Variants in ADARB2 observed in about 807,000 individuals in gnomAD.
The protein encoded by ADARB2 is inactive double-stranded RNA-specific editase B2.
Under a neutral mutation model 62.2 loss-of-function variants are expected in ADARB2, and 25 were observed. That is an observed-to-expected ratio of 0.40 (90% CI 0.29 to 0.56). The LOEUF (loss-of-function observed/expected upper bound fraction) is 0.56. Among genes scored for constraint, ADARB2 ranks in the 20% least tolerant of loss-of-function variants. The pLI, the probability that ADARB2 is intolerant of heterozygous loss-of-function variation, is 0.43. For synonymous variants in ADARB2, 572 were observed against 500.8 expected (o/e 1.14, Z -1.90); for missense variants, 1,071 against 1,077.4 (o/e 0.99, Z 0.08).
In ADARB2 at chr10:1,656,431, A is replaced by C. The variant is rs191171004; in HGVS notation, c.100+80620T>G. Among the ~76,000 whole-genome samples, 13 of 152,242 alleles carry C rather than the reference A, an allele frequency of 8.5e-5. No homozygotes were observed. The East Asian group carries it at 2.5e-3, about 29-fold the overall frequency. The stretch of plus-strand genomic sequence containing the variant: ...TTCTTTGCAATCTCATATTGTGCTA[A>C]TTTTACAACATCTGATATTTTTGGG... On this transcript the variant is annotated intron_variant, in intron 1 of 9. Transcript: ENST00000381312.
chr10:1,387,401 C>G (rs941727657), intron 1 of ADARB2, among the ~76,000 whole-genome samples: 3 of 151,802 alleles, frequency 2.0e-5, no homozygotes, highest in African/African-American at 7.2e-5. Flanking sequence ...TCCATGTTTT[C>G]TAATTAGAAA....
intron 1 of ADARB2, among the ~76,000 whole-genome samples, chr10:1,578,532 G>A (rs533837032): frequency 7.9e-5 from 12 of 152,264 alleles, no homozygotes; most frequent in Admixed American, 3.3e-4. Flanking sequence ...GTGAGTGCTC[G>A]GCTTCCTGGG....
chr10:1,345,301 G>C (rs1229661762), intron 3 of ADARB2, among the ~76,000 whole-genome samples: 2 of 152,188 alleles, frequency 1.3e-5, no homozygotes, highest in Non-Finnish European at 2.9e-5. Flanking sequence ...GCTCAGAGAA[G>C]CTCCCTCCTT....
rs192831634 is a variant in ADARB2, at chr10:1,342,334, C to A, written c.1077+20694G>T. ...CACACATGGCCCCACAGAACCAGGACTGACACCAACAGGGCCTTGACTCTG... is the reference window on the plus strand; with the variant it reads ...CACACATGGCCCCACAGAACCAGGAATGACACCAACAGGGCCTTGACTCTG... On this transcript the variant is annotated intron_variant, in intron 3 of 9. Transcript: ENST00000381312. Among the ~76,000 whole-genome samples the A allele has an allele frequency of 3.9e-5, 6 of 152,342 alleles. No individual in the cohort carries two copies. In the East Asian group the frequency reaches 9.6e-4, roughly 24 times the overall value.
At chr10:1,601,092 A>G (rs1833406510) in intron 1 of ADARB2, among the ~76,000 whole-genome samples, 1 of 152,204 alleles carries the variant, frequency 6.6e-6, no homozygotes, top group Admixed American at 6.5e-5. Context: ...AAGTTCAGAC[A>G]GGTTTGCATT....
At chr10:1,331,835 CT>C (rs1443516390) in intron 3 of ADARB2, among the ~76,000 whole-genome samples, 2 of 152,146 alleles carry the variant, frequency 1.3e-5, no homozygotes, top group Non-Finnish European at 2.9e-5. Context: ...ATATCGCACA[CT>C]TTGAAGACTT....
In ADARB2 at chr10:1,521,486, G is replaced by A. The variant is rs533198506; in HGVS notation, c.101-142326C>T. 6.0e-4 allele frequency among the ~76,000 whole-genome samples: 92 copies of A among 152,330 alleles called. 1 individual carries two copies. In the South Asian group the frequency reaches 0.017, roughly 28 times the overall value. Reference sequence around the variant, plus strand: ...AGGGCTCTTTTAAAATTTAACCTGAGAGACTGTTTGAGGCAATGTTGGGAA... The same window carrying A: ...AGGGCTCTTTTAAAATTTAACCTGAAAGACTGTTTGAGGCAATGTTGGGAA... On this transcript the variant is annotated intron_variant, in intron 1 of 9. Transcript: ENST00000381312.
chr10:1,266,511 T>TGGGGGGGGGGGGGGGGGGGG (rs782182369), intron 4 of ADARB2, among the ~76,000 whole-genome samples: 4 of 128,544 alleles, frequency 3.1e-5, no homozygotes, highest in African/African-American at 9.4e-5. Flanking sequence ...TGGTGGGGGG[T>TGGGGGGGGGGGGGGGGGGGG]GGGGGGGGGG....
At chr10:1,501,958 A>G (rs1831773060) in intron 1 of ADARB2, among the ~76,000 whole-genome samples, 1 of 152,224 alleles carries the variant, frequency 6.6e-6, no homozygotes, top group Non-Finnish European at 1.5e-5. Flanking sequence ...AAGGGTCACC[A>G]CTGCACCCGG....
chr10:1,680,884 T>G (rs1834527254), intron 1 of ADARB2, among the ~76,000 whole-genome samples: 1 of 152,244 alleles, frequency 6.6e-6, no homozygotes, highest in Non-Finnish European at 1.5e-5. Context: ...CTACGAAGGC[T>G]GCAGCAGGGG....
chr10:1,647,553 G>GTA (rs769330312), intron 1 of ADARB2, among the ~76,000 whole-genome samples: 123 of 151,988 alleles, frequency 8.1e-4, no homozygotes, highest in African/African-American at 2.2e-3. Context: ...GTATACATGT[G>GTA]TATATATATA....
intron 3 of ADARB2, among the ~76,000 whole-genome samples, chr10:1,362,650 AG>A (rs1312919126): frequency 1.3e-5 from 2 of 152,014 alleles, no homozygotes; most frequent in Non-Finnish European, 2.9e-5. Context: ...TCCCAGGCAC[AG>A]GGCGCCTCCC....
intron 1 of ADARB2, among the ~76,000 whole-genome samples, chr10:1,473,940 C>CGGGGGGCCGGGT (rs1831360906): frequency 6.7e-6 from 1 of 149,900 alleles, no homozygotes; most frequent in African/African-American, 2.5e-5. Flanking sequence ...GAGCCCTTGG[C>CGGGGGGCCGGGT]AGGGGACCGG....
At chr10:1,563,089 T>C (rs1284308753) in intron 1 of ADARB2, among the ~76,000 whole-genome samples, 1 of 152,124 alleles carries the variant, frequency 6.6e-6, no homozygotes. Flanking sequence ...CCCTTTGAGC[T>C]GTCCAGGGTG....
At chr10:1,626,441 C>T (rs12256234) in intron 1 of ADARB2, among the ~76,000 whole-genome samples, 4 of 152,042 alleles carry the variant, frequency 2.6e-5, no homozygotes, top group East Asian at 3.9e-4. Flanking sequence ...GCTAACCCCA[C>T]GTCTGCCCAC....
rs370960853 is a variant in ADARB2, at chr10:1,345,129, C to T, written c.1077+17899G>A. ...CCAGGAGGGCACGTGGAGGAAACCG[C>T]CGCAGCCTGGGGGGTGAGGATGCTT... On this transcript the variant is annotated intron_variant, in intron 3 of 9. Transcript: ENST00000381312. Among the ~76,000 whole-genome samples the T allele has an allele frequency of 7.1e-4, 108 of 152,070 alleles. 1 individual carries two copies. In the South Asian group the frequency reaches 0.021, roughly 30 times the overall value.
At chr10:1,293,769 T>G (rs1395880598) in intron 3 of ADARB2, among the ~76,000 whole-genome samples, 1 of 152,218 alleles carries the variant, frequency 6.6e-6, no homozygotes, top group African/African-American at 2.4e-5. Context: ...CGGAAGATGG[T>G]AATGCATTCA....
At chr10:1,344,265 T>G (rs2131840454) in intron 3 of ADARB2, among the ~76,000 whole-genome samples, 1 of 152,326 alleles carries the variant, frequency 6.6e-6, no homozygotes, top group East Asian at 1.9e-4. Context: ...ATAGGTTCCT[T>G]TGTTCAGCAG....
chr10:1,507,661 G>A (rs1178688832), intron 1 of ADARB2, among the ~76,000 whole-genome samples: 3 of 152,188 alleles, frequency 2.0e-5, no homozygotes, highest in African/African-American at 7.2e-5. Flanking sequence ...GAGACAGGCC[G>A]AGTTCCAATG....
Sources: gnomAD v4.1 joint callset for allele counts (sites outside exome capture counted in the v4.1 genomes callset) on GRCh38, gnomAD v4.1.1 for gene constraint, MANE v1.5 for transcripts, NCBI Gene and HGNC (gene_info 2026-07-23, HGNC 2026-07-21) for gene names.